Variants in SORCS2 observed in about 807,000 individuals in gnomAD.
SORCS2 encodes VPS10 domain-containing receptor SorCS2.
A neutral mutation model predicts 141.6 loss-of-function variants in SORCS2; 100 were observed. The observed-to-expected ratio is 0.71, with a 90% CI of 0.60 to 0.83. SORCS2 has a LOEUF of 0.83. Among genes scored for constraint, SORCS2 ranks in the 40% least tolerant of loss-of-function variants. SORCS2 has a pLI of 0.00. For missense variants in SORCS2, 1,646 were observed against 1,560.2 expected (o/e 1.05, Z -0.93); for synonymous variants, 789 against 676.9 (o/e 1.17, Z -2.57).
At chr4:7,607,228 C>T (rs902298287) in intron 3 of SORCS2, among the ~76,000 whole-genome samples, 1 of 152,176 alleles carries the variant, frequency 6.6e-6, no homozygotes, top group African/African-American at 2.4e-5. Context: ...ATTTGTCTCT[C>T]CTTGGCCTTT....
At chr4:7,297,083 G>A (rs889056240) in intron 1 of SORCS2, among the ~76,000 whole-genome samples, 1 of 138,480 alleles carries the variant, frequency 7.2e-6, no homozygotes, top group Admixed American at 7.9e-5. Flanking sequence ...TCCTCAGAGT[G>A]CCTGGGGGGG....
intron 2 of SORCS2, among the ~76,000 whole-genome samples, chr4:7,418,306 AGGAAGTGCTGC>A (rs1725825069): frequency 6.6e-6 from 1 of 152,186 alleles, no homozygotes; most frequent in Non-Finnish European, 1.5e-5. Context: ...TCCCATAGGG[AGGAAGTGCTGC>A]GGAAGTGCAC....
intron 1 of SORCS2, among the ~76,000 whole-genome samples, chr4:7,275,012 C>A (rs988765148): frequency 6.6e-6 from 1 of 152,204 alleles, no homozygotes; most frequent in African/African-American, 2.4e-5. Context: ...TGGGCTGTCA[C>A]CACCTAAGCC....
intron 1 of SORCS2, among the ~76,000 whole-genome samples, chr4:7,219,825 G>A (rs898693466): frequency 7.3e-5 from 5 of 68,946 alleles, no homozygotes; most frequent in Middle Eastern, 5.9e-3. Context: ...TGGGTGGCCC[G>A]CAGGGCAGGA....
chr4:7,624,837 G>A (rs1337955469), intron 3 of SORCS2, among the ~76,000 whole-genome samples: 3 of 152,160 alleles, frequency 2.0e-5, no homozygotes, highest in South Asian at 2.1e-4. Context: ...AACAAAACAC[G>A]ATTAAACCGT....
intron 3 of SORCS2, among the ~76,000 whole-genome samples, chr4:7,549,120 G>A (rs1156417962): frequency 6.6e-6 from 1 of 152,178 alleles, no homozygotes; most frequent in East Asian, 1.9e-4. Context: ...GCAGGTTGGG[G>A]AATGAGAGCA....
rs555480914 is a variant in SORCS2 at position 7,478,605 on chromosome 4, A to G, written c.549-52925A>G. ...GGCAGCCCCCACTGCCTTTTCCCCA[A>G]TGATTGAGCCATGTGGACCTCCCCC... On this transcript the variant is annotated intron_variant, in intron 2 of 26. Transcript: ENST00000507866. 2.8e-4 allele frequency among the ~76,000 whole-genome samples: 42 copies of G among 152,130 alleles called. No homozygotes were observed. The East Asian group carries it at 5.0e-3, about 18-fold the overall frequency.
chr4:7,549,423 G>T (rs1367765151), intron 3 of SORCS2, among the ~76,000 whole-genome samples: 2 of 151,672 alleles, frequency 1.3e-5, no homozygotes, highest in Non-Finnish European at 2.9e-5. Flanking sequence ...GGGGCATTGG[G>T]TGGGGGACTG....
intron 2 of SORCS2, among the ~76,000 whole-genome samples, chr4:7,418,672 T>C (rs1408398154): frequency 1.3e-5 from 2 of 151,252 alleles, no homozygotes; most frequent in Non-Finnish European, 1.5e-5. Context: ...GAGGGTGATA[T>C]ATCAGTTAGC....
In SORCS2 at chr4:7,400,464, A is replaced by C. The variant is rs924722355; in HGVS notation, c.548+4109A>C. Among the ~76,000 whole-genome samples the C allele has an allele frequency of 3.2e-3, 348 of 109,928 alleles. 4 individuals are homozygous for C. Among genetic ancestry groups the C allele is most frequent in the Admixed American group, 0.02 (239 of 12,178 alleles). 72.1% of individuals were successfully genotyped at this position (109,928 alleles called of 152,430 possible). A position where few individuals can be genotyped will look rare whatever the true frequency, so the allele number is the denominator to read the frequency against. On this transcript the variant is annotated intron_variant, in intron 2 of 26. Coordinates refer to ENST00000507866, the MANE Select transcript of SORCS2 (RefSeq NM_020777.3). ...GGAGTTCCTGTTTATGGTTTGCCCC[A>C]CCACCACCACCACCACCACCACCAC...
In SORCS2 at chr4:7,741,090, G is replaced by T; in HGVS notation, c.*826G>T. ...ACCATCCCGCAGGCTTCTCCCACCT[G>T]ATGGCTGTTCTCCCACCGGGTCTGG... On this transcript the variant is annotated 3_prime_UTR_variant, in exon 27 of 27. Transcript: ENST00000507866. 1 of 398,700 alleles carries T rather than the reference G, an allele frequency of 2.5e-6. No homozygotes were observed. Among genetic ancestry groups the T allele is most frequent in the Non-Finnish European group, 4.4e-6 (1 of 226,178 alleles). 24.7% of individuals were successfully genotyped at this position (398,700 alleles called of 1,614,324 possible).
chr4:7,226,121 G>A (rs1485510247), intron 1 of SORCS2, among the ~76,000 whole-genome samples: 4 of 152,206 alleles, frequency 2.6e-5, no homozygotes, highest in Non-Finnish European at 5.9e-5. Flanking sequence ...GATCTCCAGG[G>A]ATGGCTTTCC....
chr4:7,681,479 A>C (rs1217237034), intron 9 of SORCS2, among the ~76,000 whole-genome samples: 1 of 152,234 alleles, frequency 6.6e-6, no homozygotes, highest in Non-Finnish European at 1.5e-5. Flanking sequence ...TGCCTCTAGA[A>C]GCTGGAAAAG....
At chr4:7,645,451 G>A (rs1721009556) in intron 4 of SORCS2, among the ~76,000 whole-genome samples, 1 of 152,162 alleles carries the variant, frequency 6.6e-6, no homozygotes. Context: ...GGGTGTGTTT[G>A]TGAGTATGTA....
At chr4:7,536,973 G>T (rs1712184500) in intron 3 of SORCS2, among the ~76,000 whole-genome samples, 1 of 152,156 alleles carries the variant, frequency 6.6e-6, no homozygotes, top group Non-Finnish European at 1.5e-5. Context: ...AGCAATCACT[G>T]ACACATGGTG....
intron 4 of SORCS2, among the ~76,000 whole-genome samples, chr4:7,641,049 A>G (rs563218370): frequency 3.3e-4 from 50 of 152,300 alleles, no homozygotes; most frequent in African/African-American, 1.1e-3. Context: ...CCTGGAAGGC[A>G]AACACAAGCT....
intron 1 of SORCS2, among the ~76,000 whole-genome samples, chr4:7,293,818 C>T (rs1436781311): frequency 6.6e-6 from 1 of 152,170 alleles, no homozygotes; most frequent in African/African-American, 2.4e-5. Flanking sequence ...CCTGCATTGG[C>T]TTCTTCCAAA....
chr4:7,269,436 G>A (rs578123464), intron 1 of SORCS2, among the ~76,000 whole-genome samples: 6 of 152,324 alleles, frequency 3.9e-5, no homozygotes, highest in African/African-American at 1.2e-4. Flanking sequence ...CTGTGAACAC[G>A]ATCTTATTTG....
At chr4:7,479,554 A>C (rs1473206064) in intron 2 of SORCS2, among the ~76,000 whole-genome samples, 2 of 152,122 alleles carry the variant, frequency 1.3e-5, no homozygotes, top group Non-Finnish European at 2.9e-5. Context: ...TGCCAGGGAG[A>C]GGGCTCTGCG....
Sources: gnomAD v4.1 joint callset for allele counts (sites outside exome capture counted in the v4.1 genomes callset) on GRCh38, gnomAD v4.1.1 for gene constraint, MANE v1.5 for transcripts, NCBI Gene and HGNC (gene_info 2026-07-23, HGNC 2026-07-21) for gene names.